EYS: variants seen among roughly 807,000 people sequenced by gnomAD.
The protein encoded by EYS is protein eyes shut homolog.
Under a neutral mutation model 282.1 loss-of-function variants are expected in EYS, and 250 were observed. The observed-to-expected ratio is 0.89, with a 90% confidence interval of 0.80 to 0.98. EYS has a LOEUF of 0.98. EYS is among the 50% of genes least tolerant of loss of function. The pLI is 0.00. For missense variants in EYS, 4,016 were observed against 3,709.0 expected, an observed-to-expected ratio of 1.08 and a Z score of -2.15; for synonymous variants, 1,355 against 1,282.9, an observed-to-expected ratio of 1.06 and a Z score of -1.20.
At chr6:64,390,902 GA>G (rs1773108613) in intron 28 of EYS, among the ~76,000 whole-genome samples, 1 of 147,364 alleles carries the variant, frequency 6.8e-6, no homozygotes, top group South Asian at 2.2e-4. Context: ...TGTATAACTA[GA>G]ATAACCAATA....
At chr6:64,035,528 G>A (rs768162434) in intron 33 of EYS, among the ~76,000 whole-genome samples, 3 of 152,148 alleles carry the variant, frequency 2.0e-5, no homozygotes, top group Non-Finnish European at 2.9e-5. Flanking sequence ...GTTCTTTGAA[G>A]CCTAGGTTAT....
intron 22 of EYS, among the ~76,000 whole-genome samples, chr6:64,790,991 G>C (rs942645289): frequency 2.6e-5 from 4 of 151,832 alleles, no homozygotes; most frequent in African/African-American, 9.7e-5. Flanking sequence ...TTTACATGCA[G>C]TTTTTCACAT....
At chr6:64,123,221 C>T (rs139203899) in intron 31 of EYS, among the ~76,000 whole-genome samples, 100 of 152,162 alleles carry the variant, frequency 6.6e-4, no homozygotes, top group African/African-American at 2.3e-3. Context: ...ATATTCCATT[C>T]GAGCATAGCA....
intron 32 of EYS, among the ~76,000 whole-genome samples, chr6:64,078,146 C>A (rs1006269115): frequency 1.3e-5 from 2 of 151,986 alleles, no homozygotes; most frequent in South Asian, 4.1e-4. Context: ...GTTCTCTATC[C>A]TTGTCTCTTA....
chr6:65,667,596 C>T (rs1768243108), intron 1 of EYS, among the ~76,000 whole-genome samples: 1 of 151,818 alleles, frequency 6.6e-6, no homozygotes, highest in Non-Finnish European at 1.5e-5. Flanking sequence ...ATTCTTATCA[C>T]GAATACCCTT....
chr6:64,684,424 T>C (rs1471894792), intron 22 of EYS, among the ~76,000 whole-genome samples: 5 of 152,030 alleles, frequency 3.3e-5, no homozygotes, highest in Non-Finnish European at 7.4e-5. Flanking sequence ...TGCATTTCAG[T>C]AAATGCTAAA....
At position 64,945,810 on chromosome 6, in the gene EYS, G is replaced by T. The variant is rs1182039744; in HGVS notation, c.2364C>A (p.Asp788Glu). ...NPCKNNSTCT[D>E]LYKSYRCECT... The stretch of plus-strand genomic sequence containing the variant: ...TTACTCACCGATAGCTTTTGTAAAG[G>T]TCAGTACAGGTGGAATTGTTCTTGC... The change falls in exon 15 of 43, where the codon GAC becomes GAA. Residue 788 changes from aspartate to glutamate, a missense_variant. Transcript: ENST00000503581. 1 of 1,549,516 alleles carries T rather than the reference G, an allele frequency of 6.5e-7. No homozygotes were observed. Among genetic ancestry groups the T allele is most frequent in the African/African-American group, 1.4e-5 (1 of 72,870 alleles).
chr6:65,253,620 A>T (rs1466907773), intron 12 of EYS, among the ~76,000 whole-genome samples: 1 of 151,996 alleles, frequency 6.6e-6, no homozygotes, highest in African/African-American at 2.4e-5. Flanking sequence ...AAATTATTCT[A>T]AAAACAATAT....
intron 34 of EYS, among the ~76,000 whole-genome samples, chr6:63,986,652 T>C (rs1481628075): frequency 6.6e-6 from 1 of 151,818 alleles, no homozygotes. Flanking sequence ...TGGAGGCCAT[T>C]ATCCTCAGCA....
chr6:65,618,947 T>G (rs1766344461), intron 2 of EYS, among the ~76,000 whole-genome samples: 1 of 152,202 alleles, frequency 6.6e-6, no homozygotes, highest in South Asian at 2.1e-4. Flanking sequence ...GCTGTTTTGG[T>G]TACTGTAGTC....
chr6:65,392,887 G>A (rs1425194411), intron 7 of EYS, among the ~76,000 whole-genome samples: 1 of 152,072 alleles, frequency 6.6e-6, no homozygotes, highest in Non-Finnish European at 1.5e-5. Flanking sequence ...GTTTATTGCG[G>A]CATTATTCAC....
intron 13 of EYS, among the ~76,000 whole-genome samples, chr6:65,027,929 T>C (rs1369822330): frequency 6.6e-6 from 1 of 152,196 alleles, no homozygotes; most frequent in Non-Finnish European, 1.5e-5. Flanking sequence ...AAATACTTGA[T>C]TGCTGGATTG....
chr6:64,419,959 C>A (rs567119318), intron 28 of EYS, among the ~76,000 whole-genome samples: 3 of 152,334 alleles, frequency 2.0e-5, no homozygotes, highest in East Asian at 3.9e-4. Context: ...GTCTTTGACC[C>A]CACATTTCCC....
At chr6:64,821,809 T>C (rs1311187798) in intron 20 of EYS, 86 bp from the exon 21 acceptor site, 2 of 786,036 alleles carry the variant, frequency 2.5e-6, no homozygotes, top group East Asian at 5.8e-5. Flanking sequence ...AAACTTTTCT[T>C]TCCTAGTTCA....
chr6:64,908,037 C>G (rs1003886637), intron 16 of EYS, among the ~76,000 whole-genome samples: 5 of 152,140 alleles, frequency 3.3e-5, no homozygotes, highest in African/African-American at 1.2e-4. Context: ...TAAAAGTTGT[C>G]AACAGAAATG....
At chr6:64,262,576 TA>T (rs1767624850) in intron 30 of EYS, among the ~76,000 whole-genome samples, 1 of 152,022 alleles carries the variant, frequency 6.6e-6, no homozygotes, top group East Asian at 1.9e-4. Context: ...ATTTGACAGA[TA>T]TTTTTTAAAC....
intron 22 of EYS, among the ~76,000 whole-genome samples, chr6:64,799,434 C>T (rs181977806): frequency 5.3e-5 from 8 of 151,876 alleles, no homozygotes; most frequent in African/African-American, 1.4e-4. Flanking sequence ...TTCTTATATA[C>T]TCTATTCCAT....
chr6:65,354,873 C>T (rs1234325935), intron 8 of EYS, among the ~76,000 whole-genome samples: 2 of 151,748 alleles, frequency 1.3e-5, no homozygotes, highest in East Asian at 1.9e-4. Context: ...AAATAATTAC[C>T]ATTTAATTAT....
At chr6:64,677,074 C>T (rs72884532) in intron 22 of EYS, among the ~76,000 whole-genome samples, 3,361 of 152,232 alleles carry the variant, frequency 0.022, 49 homozygotes, top group Middle Eastern at 0.085. Context: ...ACTCTAACAT[C>T]CATCTGTTAT....
Sources: allele counts gnomAD v4.1 joint callset (sites outside exome capture counted in the v4.1 genomes callset), GRCh38; gene constraint gnomAD v4.1.1; transcripts MANE v1.5; gene names NCBI Gene and HGNC (gene_info 2026-07-23, HGNC 2026-07-21).